Variants in LRP2 observed in about 807,000 individuals in gnomAD.
LRP2 encodes LDL receptor related protein 2.
A neutral mutation model predicts 531.0 loss-of-function variants in LRP2; 172 were observed. The ratio of observed to expected loss-of-function variants is 0.32; its 90% CI spans 0.29 to 0.37. The LOEUF (loss-of-function observed/expected upper bound fraction) is 0.37, where lower values mean the gene tolerates loss of function less well. Among genes scored for constraint, LRP2 ranks in the 10% least tolerant of loss-of-function variants. The pLI, the probability that LRP2 is intolerant of heterozygous loss-of-function variation, is 1.00. For synonymous variants in LRP2, 1,992 were observed against 2,027.6 expected, an observed-to-expected ratio of 0.98 and a Z score of 0.47; for missense variants, 5,167 against 5,868.3, an observed-to-expected ratio of 0.88 and a Z score of 3.90.
rs756543678 is a variant in LRP2, at chr2:169,207,056, A to C, written c.6664T>G (p.Cys2222Gly). Residue 2222 changes from cysteine (C) to glycine (G), a missense_variant, in exon 39 of 79, where the codon TGT becomes GGT. Physicochemically the swap from Cys to Gly is radical, Grantham distance 159. Transcript: ENST00000649046. ...RPKIERSFLD[C>G]TNRTVLVSEG... Reference sequence around the variant, plus strand: ...GACACAAGCACTGTTCGATTGGTACAGTCAAGGAAAGAACGCTCAATCTTT... The same window carrying C: ...GACACAAGCACTGTTCGATTGGTACCGTCAAGGAAAGAACGCTCAATCTTT... 3.1e-6 allele frequency: 5 copies of C among 1,614,064 alleles called. No homozygotes were observed. Among genetic ancestry groups the C allele is most frequent in the East Asian group, 2.2e-5 (1 of 44,882 alleles).
At chr2:169,343,836 A>G (rs1036515075) in intron 1 of LRP2, among the ~76,000 whole-genome samples, 2 of 152,208 alleles carry the variant, frequency 1.3e-5, no homozygotes, top group African/African-American at 4.8e-5. Flanking sequence ...TAAATTTACA[A>G]CAGTGGCTTC....
rs554696571 is a variant in LRP2 at position 169,237,263 on chromosome 2, T to C, written c.4531A>G (p.Thr1511Ala). 1.2e-6 allele frequency: 2 copies of C among 1,613,582 alleles called. No individual in the cohort carries two copies. Among genetic ancestry groups the C allele is most frequent in the Admixed American group, 3.3e-5 (2 of 60,004 alleles). Reference protein sequence around the residue: ...RVVFDSSIILTETIAIDWVGR... With the variant: ...RVVFDSSIILAETIAIDWVGR... Reference sequence around the variant, plus strand: ...ACCCAATCTATTGCAATAGTTTCAGTCAAGATGATGCTACTGTCAAATACC... The same window carrying C: ...ACCCAATCTATTGCAATAGTTTCAGCCAAGATGATGCTACTGTCAAATACC... Residue 1511 changes from threonine (T) to alanine (A), a missense_variant, in exon 28 of 79, where the codon ACT becomes GCT. By Grantham distance (58) the Thr-to-Ala change is moderately conservative. This residue lies in a region of LRP2 where 2,811 missense variants were observed against 3,058.0 expected (regional missense o/e 0.92). Transcript: ENST00000649046.
At chr2:169,135,382 T>A (rs1685463727) in intron 76 of LRP2, among the ~76,000 whole-genome samples, 1 of 152,192 alleles carries the variant, frequency 6.6e-6, no homozygotes, top group Admixed American at 6.5e-5. Flanking sequence ...TTTCACAGGA[T>A]AGGAAGAGGC....
intron 3 of LRP2, among the ~76,000 whole-genome samples, chr2:169,310,065 A>G (rs1328573692): frequency 6.6e-6 from 1 of 152,136 alleles, no homozygotes; most frequent in African/African-American, 2.4e-5. Flanking sequence ...ATTTTTGCAC[A>G]TTGATTTTGT....
intron 3 of LRP2, among the ~76,000 whole-genome samples, chr2:169,308,468 C>T (rs1043577264): frequency 2.0e-4 from 30 of 152,236 alleles, no homozygotes; most frequent in African/African-American, 5.1e-4. Context: ...TGAGAACATG[C>T]GGTGTTTGGT....
chr2:169,226,324 T>A, intron 32 of LRP2, 98 bp downstream of exon 32: 1 of 970,688 alleles, frequency 1.0e-6, no homozygotes, highest in Non-Finnish European at 1.6e-6. Flanking sequence ...ATTGTTTCCC[T>A]TTTACTCACA....
intron 1 of LRP2, among the ~76,000 whole-genome samples, chr2:169,324,960 C>T (rs562126737): frequency 7.1e-6 from 1 of 141,640 alleles, no homozygotes; most frequent in African/African-American, 2.7e-5. Flanking sequence ...TCAGAGCAAA[C>T]AATGAGACTT....
intron 4 of LRP2, among the ~76,000 whole-genome samples, chr2:169,299,051 A>G (rs1014106503): frequency 6.8e-6 from 1 of 146,914 alleles, no homozygotes; most frequent in African/African-American, 2.6e-5. Flanking sequence ...AAAGAAATTC[A>G]GAAAGAAGAA....
At chr2:169,353,395 C>T (rs546856643) in intron 1 of LRP2, among the ~76,000 whole-genome samples, 99 of 152,272 alleles carry the variant, frequency 6.5e-4, no homozygotes, top group African/African-American at 2.4e-3. Context: ...AAGGAAAACA[C>T]AAAGAAAGAG....
rs970862922 is a variant in LRP2 at position 169,160,685 on chromosome 2, A to AAAAAAAAAAAAAACAAAAAAAAAC, written c.11887+1786_11887+1787insGTTTTTTTTTGTTTTTTTTTTTTT. ...TTGTTTGTGCTACTTATTTCCTTAA[A>AAAAAAAAAAAAAACAAAAAAAAAC]AAAAAAAAAACCTGCTACTAATTAA... is the stretch of plus-strand genomic sequence containing the variant. On this transcript the variant is annotated intron_variant, in intron 63 of 78. Transcript: ENST00000649046. Among the ~76,000 whole-genome samples, 486 of 94,230 alleles carry AAAAAAAAAAAAAACAAAAAAAAAC rather than the reference A, an allele frequency of 5.2e-3. 2 individuals carry two copies. The highest frequency in any genetic ancestry group is 0.014 in the East Asian group (59 of 4,294). The allele number at this position is 94,230 out of a possible 152,430, so 61.8% of individuals were successfully genotyped here. A position where few individuals can be genotyped will look rare whatever the true frequency, so the allele number is the denominator to read the frequency against.
intron 16 of LRP2, among the ~76,000 whole-genome samples, chr2:169,263,684 G>A (rs1314805182): frequency 6.6e-6 from 1 of 151,890 alleles, no homozygotes; most frequent in Admixed American, 6.6e-5. Context: ...GGAAGTCAGT[G>A]TGGCGATTCC....
intron 35 of LRP2, 37 bp downstream of exon 35, chr2:169,216,216 C>T: frequency 6.2e-7 from 1 of 1,606,902 alleles, no homozygotes; most frequent in Non-Finnish European, 8.5e-7. Context: ...TACACCAGCT[C>T]AGCATAAAGA....
chr2:169,264,225 C>A (rs1172528082), intron 16 of LRP2, among the ~76,000 whole-genome samples: 1 of 151,076 alleles, frequency 6.6e-6, no homozygotes, highest in Admixed American at 6.6e-5. Flanking sequence ...ACACATGTAC[C>A]CTAAAACTTA....
In LRP2 at chr2:169,175,186, A is replaced by C. The variant is rs1170592849; in HGVS notation, c.10768+7T>G. The C allele has an allele frequency of 1.2e-6, 2 of 1,614,010 alleles. No homozygotes were observed. The highest frequency in any genetic ancestry group is 1.7e-6 in the Non-Finnish European group (2 of 1,179,988). ...CGGAAAAAGAGGCATAAAGCGACTCAACACACCACAAAGAAGACGGTCTTC... is the reference window on the plus strand; with the variant it reads ...CGGAAAAAGAGGCATAAAGCGACTCCACACACCACAAAGAAGACGGTCTTC... On this transcript the variant is annotated splice_region_variant and intron_variant, in intron 55 of 78. Transcript: ENST00000649046.
intron 33 of LRP2, among the ~76,000 whole-genome samples, chr2:169,221,922 A>G (rs1689028637): frequency 8.5e-6 from 1 of 117,508 alleles, no homozygotes; most frequent in Non-Finnish European, 1.7e-5. Context: ...TCACACGGCC[A>G]TTCTGTAGGC....
intron 14 of LRP2, 71 bp downstream of exon 14, chr2:169,274,965 T>C: frequency 6.8e-7 from 1 of 1,479,792 alleles, no homozygotes; most frequent in Admixed American, 1.7e-5. Flanking sequence ...CATTATTAAC[T>C]TTCAAAGCTT....
At position 169,181,638 on chromosome 2, in the gene LRP2, G is replaced by T; in HGVS notation, c.9999-20C>A. 2 of 1,611,100 alleles carry T rather than the reference G, an allele frequency of 1.2e-6. No individual in the cohort carries two copies. Among genetic ancestry groups the T allele is most frequent in the South Asian group, 2.2e-5 (2 of 90,864 alleles). On this transcript the variant is annotated intron_variant, in intron 51 of 78. Transcript: ENST00000649046. The stretch of plus-strand genomic sequence containing the variant: ...AGGTACCTGTCAGGGCAAACACAAA[G>T]GGTCAGTCCCTGATGCCAAAAGAAG...
rs748525836 is a variant in LRP2 at position 169,192,011 on chromosome 2, G to T, written c.8853C>A (p.Ser2951=). 1.1e-5 allele frequency: 17 copies of T among 1,612,582 alleles called. No individual in the cohort carries two copies. The highest frequency in any genetic ancestry group is 1.4e-5 in the Non-Finnish European group (16 of 1,178,784). Residue 2951 remains serine (S), a synonymous_variant, in exon 48 of 79, where the codon TCC becomes TCA. Transcript: ENST00000649046. ...HQCQNQNCSD[S]EFLCVNDRPP... ...GTCTGTCATTTACACAGAGAAACTC[G>T]GAATCCGAGCAGTTTTGATTCTCTG...
chr2:169,281,117 T>A (rs891660016), intron 10 of LRP2, among the ~76,000 whole-genome samples: 2 of 152,172 alleles, frequency 1.3e-5, no homozygotes, highest in African/African-American at 4.8e-5. Context: ...AGGAATATTA[T>A]GCCATTATAA....
Sources: allele counts gnomAD v4.1 joint callset (sites outside exome capture counted in the v4.1 genomes callset), GRCh38; gene constraint gnomAD v4.1.1; regional missense constraint gnomAD v4.1.1; transcripts MANE v1.5; gene names NCBI Gene and HGNC (gene_info 2026-07-23, HGNC 2026-07-21).